Variants in GPC5 observed in about 807,000 individuals in gnomAD.
GPC5 encodes the protein glypican-5.
Under a neutral mutation model 53.9 loss-of-function variants are expected in GPC5, and 47 were observed. The ratio of observed to expected loss-of-function variants is 0.87; its 90% CI spans 0.69 to 1.11. The LOEUF (loss-of-function observed/expected upper bound fraction) is 1.11, where lower values mean the gene tolerates loss of function less well. Ranked by LOEUF, GPC5 falls within the 50% of genes most tolerant of loss-of-function variation. The pLI is 0.00. For missense variants in GPC5, 748 were observed against 713.1 expected, an observed-to-expected ratio of 1.05 and a Z score of -0.56; for synonymous variants, 286 against 263.3, an observed-to-expected ratio of 1.09 and a Z score of -0.84.
At chr13:92,142,931 AT>A (rs2041841781) in intron 6 of GPC5, among the ~76,000 whole-genome samples, 1 of 152,182 alleles carries the variant, frequency 6.6e-6, no homozygotes, top group South Asian at 2.1e-4. Flanking sequence ...ATATAATTGC[AT>A]TTTTAACTAA....
chr13:92,735,489 T>A (rs1192815424), intron 7 of GPC5, among the ~76,000 whole-genome samples: 3 of 151,968 alleles, frequency 2.0e-5, no homozygotes, highest in Non-Finnish European at 4.4e-5. Context: ...ATTCTATGGA[T>A]TCCATTTCCT....
chr13:92,055,141 G>T (rs990130917), intron 6 of GPC5, among the ~76,000 whole-genome samples: 3 of 152,164 alleles, frequency 2.0e-5, no homozygotes, highest in African/African-American at 7.2e-5. Flanking sequence ...CAAACCAGAT[G>T]CAGTGTGAGT....
At chr13:91,938,797 A>G (rs559094336) in intron 6 of GPC5, among the ~76,000 whole-genome samples, 45 of 152,172 alleles carry the variant, frequency 3.0e-4, no homozygotes, top group Admixed American at 4.6e-4. Flanking sequence ...AAGTGTCTAT[A>G]TAAATATTAA....
At chr13:92,442,426 A>G (rs1340806571) in intron 7 of GPC5, among the ~76,000 whole-genome samples, 1 of 152,212 alleles carries the variant, frequency 6.6e-6, no homozygotes, top group Non-Finnish European at 1.5e-5. Context: ...AAATAAGACT[A>G]TACCATAGAG....
At position 91,426,210 on chromosome 13, in the gene GPC5, C is replaced by T. The variant is rs9589226; in HGVS notation, c.164-22551C>T. On this transcript the variant is annotated intron_variant, in intron 1 of 7. Coordinates refer to ENST00000377067, the MANE Select transcript of GPC5 (RefSeq NM_004466.6). ...AGCCAAATGTTAACCACCAAGACAA[C>T]GGGGAAAATGTCTCTACGGCATGTC... Among the ~76,000 whole-genome samples, 1,264 of 152,008 alleles carry T rather than the reference C, an allele frequency of 8.3e-3. 24 individuals carry two copies. Among genetic ancestry groups the T allele is most frequent in the South Asian group, 0.078 (372 of 4,782 alleles).
intron 7 of GPC5, among the ~76,000 whole-genome samples, chr13:92,272,700 C>T (rs2042848879): frequency 6.6e-6 from 1 of 152,092 alleles, no homozygotes; most frequent in Admixed American, 6.6e-5. Flanking sequence ...TGTTACATAG[C>T]CCCCACCTTG....
At chr13:91,747,571 G>A (rs1044650993) in intron 4 of GPC5, among the ~76,000 whole-genome samples, 6 of 151,996 alleles carry the variant, frequency 3.9e-5, no homozygotes, top group Non-Finnish European at 5.9e-5. Context: ...TGGTCAAAAC[G>A]TGTAGATAAC....
intron 2 of GPC5, among the ~76,000 whole-genome samples, chr13:91,589,925 T>A (rs1328594502): frequency 6.6e-6 from 1 of 152,176 alleles, no homozygotes; most frequent in Admixed American, 6.5e-5. Flanking sequence ...TATTAAATAC[T>A]CTTCAGTCCT....
At chr13:92,405,438 T>C (rs1875750995) in intron 7 of GPC5, among the ~76,000 whole-genome samples, 1 of 152,200 alleles carries the variant, frequency 6.6e-6, no homozygotes, top group Non-Finnish European at 1.5e-5. Context: ...CTAAATAACA[T>C]TGAATGAAAT....
At chr13:92,187,652 A>T (rs571373093) in intron 7 of GPC5, among the ~76,000 whole-genome samples, 1 of 152,346 alleles carries the variant, frequency 6.6e-6, no homozygotes, top group Non-Finnish European at 1.5e-5. Flanking sequence ...TCTAGAAAGA[A>T]GCTGGGCTTT....
intron 7 of GPC5, among the ~76,000 whole-genome samples, chr13:92,629,793 TG>T (rs1885176044): frequency 6.6e-6 from 1 of 152,006 alleles, no homozygotes; most frequent in South Asian, 2.1e-4. Context: ...ACACAAGTCA[TG>T]AGTACAAAAA....
intron 7 of GPC5, among the ~76,000 whole-genome samples, chr13:92,333,767 C>T (rs2043303800): frequency 6.6e-6 from 1 of 151,904 alleles, no homozygotes; most frequent in African/African-American, 2.4e-5. Flanking sequence ...AAAAGAGAAA[C>T]AAACCCACAA....
chr13:92,792,120 A>T (rs1594510385), intron 7 of GPC5, among the ~76,000 whole-genome samples: 1 of 152,136 alleles, frequency 6.6e-6, no homozygotes, highest in African/African-American at 2.4e-5. Context: ...AGATTCACCA[A>T]GGTTGAAATG....
At chr13:92,681,059 A>G (rs1392155617) in intron 7 of GPC5, among the ~76,000 whole-genome samples, 1 of 151,948 alleles carries the variant, frequency 6.6e-6, no homozygotes, top group East Asian at 1.9e-4. Flanking sequence ...TTGCTGATCC[A>G]GTTAAGAGGT....
chr13:92,587,703 A>G (rs1169575773), intron 7 of GPC5, among the ~76,000 whole-genome samples: 1 of 152,096 alleles, frequency 6.6e-6, no homozygotes, highest in Non-Finnish European at 1.5e-5. Context: ...ATATAGATAC[A>G]GCCTTTCCAT....
intron 6 of GPC5, among the ~76,000 whole-genome samples, chr13:92,006,392 T>C (rs913615595): frequency 2.6e-5 from 4 of 152,202 alleles, no homozygotes; most frequent in South Asian, 2.1e-4. Flanking sequence ...TCTGGAAAAG[T>C]TGTACTTCTG....
intron 6 of GPC5, among the ~76,000 whole-genome samples, chr13:92,125,924 G>GTTTTTTTTTTTTTTTTTT (rs1190169532): frequency 1.3e-5 from 1 of 75,872 alleles, no homozygotes; most frequent in South Asian, 4.5e-4. Flanking sequence ...TTGTTTTTTG[G>GTTTTTTTTTTTTTTTTTT]TTTTTTTTTT....
chr13:92,167,359 G>A (rs1046074277), intron 7 of GPC5, among the ~76,000 whole-genome samples: 1 of 151,968 alleles, frequency 6.6e-6, no homozygotes, highest in Non-Finnish European at 1.5e-5. Context: ...TTTAATGTTG[G>A]GAAGGAATAA....
At position 91,617,005 on chromosome 13, in the gene GPC5, T is replaced by TA. The variant is rs572472809; in HGVS notation, c.326-76175dup. Among the ~76,000 whole-genome samples the TA allele has an allele frequency of 2.7e-3, 406 of 152,224 alleles. 4 individuals carry two copies. Among genetic ancestry groups the TA allele is most frequent in the African/African-American group, 9.5e-3 (394 of 41,542 alleles). On this transcript the variant is annotated intron_variant, in intron 2 of 7. Transcript: ENST00000377067. ...GGCTAATTTCACAAGAGGTTTTTGT[T>TA]AAAAAAACAAGACAGTCAAGTCAGA...
Sources: gnomAD v4.1 joint callset for allele counts (sites outside exome capture counted in the v4.1 genomes callset) on GRCh38, gnomAD v4.1.1 for gene constraint, MANE v1.5 for transcripts, NCBI Gene and HGNC (gene_info 2026-07-23, HGNC 2026-07-21) for gene names.